The following SLC2A4RG variants were observed in gnomAD, a reference collection of about 807,000 sequenced individuals.
SLC2A4RG encodes the protein GLUT4 enhancer factor.
Under a neutral mutation model 35.5 loss-of-function variants are expected in SLC2A4RG, and 23 were observed. That is an observed-to-expected ratio of 0.65 (90% CI 0.47 to 0.92). The LOEUF is 0.92. Ranked by LOEUF, SLC2A4RG falls within the 40% of genes least tolerant of loss-of-function variation. SLC2A4RG has a pLI of 0.00. For synonymous variants in SLC2A4RG, 306 were observed against 243.7 expected, an observed-to-expected ratio of 1.26 and a Z score of -2.38; for missense variants, 539 against 525.0, an observed-to-expected ratio of 1.03 and a Z score of -0.26.
chr20:63,742,285 C>T (rs1347413439), intron 5 of SLC2A4RG, 51 bp from the exon 6 acceptor site: 1 of 1,598,300 alleles, frequency 6.3e-7, no homozygotes, highest in African/African-American at 1.3e-5. Flanking sequence ...GGTTGTGAGG[C>T]CCGGCCAGGC....
Position 63,739,818 on chromosome 20 carries a change from C to CG in SLC2A4RG, c.-90dup. ...GCGCGGGCGGCGGCCGGATCCAGGG[C>CG]GGGGGTCGGCGGCCCGGCCAGCCCG... On this transcript the variant is annotated 5_prime_UTR_variant, in exon 1 of 8. Coordinates refer to ENST00000266077, the MANE Select transcript of SLC2A4RG (RefSeq NM_020062.4). 6 of 949,524 alleles carry CG rather than the reference C, an allele frequency of 6.3e-6. No individual in the cohort carries two copies. Among genetic ancestry groups the CG allele is most frequent in the Non-Finnish European group, 7.5e-6 (6 of 804,346 alleles). The allele number at this position is 949,524 out of a possible 1,614,324, so 58.8% of individuals were successfully genotyped here. A position where few individuals can be genotyped will look rare whatever the true frequency, so the allele number is the denominator to read the frequency against.
In SLC2A4RG at chr20:63,742,507, C is replaced by A. The variant is rs1446864372; in HGVS notation, c.852C>A (p.Pro284=). The A allele has an allele frequency of 6.4e-7, 1 of 1,566,740 alleles. No individual in the cohort carries two copies. The highest frequency in any genetic ancestry group is 1.9e-5 in the Admixed American group (1 of 53,332). ...TGGAGCTGCCAGAGCTGCTGGAGCC[C>A]CCAGCCCTGCCTAGTCCCCTGCGGC... ...PRLELPELLE[P]PALPSPLRPP... Residue 284 remains proline, a synonymous_variant, in exon 6 of 8, where the codon CCC becomes CCA. Transcript: ENST00000266077.
rs1568814182 is a variant in SLC2A4RG at position 63,742,746 on chromosome 20, A to G, written c.1008A>G (p.Gly336=). The G allele has an allele frequency of 1.3e-6, 2 of 1,595,622 alleles. No homozygotes were observed. Among genetic ancestry groups the G allele is most frequent in the Non-Finnish European group, 1.7e-6 (2 of 1,172,522 alleles). The change falls in exon 7 of 8, where the codon GGA becomes GGG. Residue 336 remains glycine (G), a synonymous_variant. Transcript: ENST00000266077. ...TGGAGCCGCAGCCCACGGAGGTCGG[A>G]GCCTGCCCACCCGCCTTGTCCTCCA... ...ARLEPQPTEV[G]ACPPALSSRI... is the part of the protein sequence containing the mutation.
Position 63,739,966 on chromosome 20 carries a change from C to T in SLC2A4RG, c.54C>T (p.Ala18=). 4.1e-6 allele frequency: 4 copies of T among 979,980 alleles called. No individual in the cohort carries two copies. The highest frequency in any genetic ancestry group is 4.8e-6 in the Non-Finnish European group (4 of 827,944). 60.7% of individuals were successfully genotyped at this position (979,980 alleles called of 1,614,324 possible). ...AAGRDPSALR[A]EAPWLRAEGP... ...GCCGGGACCCCAGTGCGCTGCGGGC[C>T]GAGGCGCCGTGGCTGCGCGCGGAGG... The change falls in exon 1 of 8, where the codon GCC becomes GCT. Residue 18 remains alanine, a synonymous_variant. Coordinates refer to ENST00000266077, the MANE Select transcript of SLC2A4RG (RefSeq NM_020062.4).
At chr20:63,741,301 G>A (rs1427274656) in intron 2 of SLC2A4RG, 69 bp from the exon 3 acceptor site, 5 of 1,455,832 alleles carry the variant, frequency 3.4e-6, no homozygotes, top group Middle Eastern at 2.3e-4. Flanking sequence ...AGGCCTGCAC[G>A]TGGACCGACC....
rs900047870 is a variant in SLC2A4RG, at chr20:63,744,020, T to C, written c.*1030T>C. On this transcript the variant is annotated 3_prime_UTR_variant, in exon 8 of 8. Transcript: ENST00000266077. ...TGTTTTTGTTGACAGGTTGAAAGCA[T>C]GTTGAAAAAAATAAATATTTAAGAA... 6.6e-6 allele frequency: 1 copy of C among 150,758 alleles called. No individual in the cohort carries two copies. The highest frequency in any genetic ancestry group is 2.5e-5 in the African/African-American group (1 of 39,722). The allele number at this position is 150,758 out of a possible 1,614,324, so 9.3% of individuals were successfully genotyped here.
At chr20:63,742,825 G>A (rs1262598658) in intron 7 of SLC2A4RG, 35 bp downstream of exon 7, 1 of 1,581,160 alleles carries the variant, frequency 6.3e-7, no homozygotes, top group Non-Finnish European at 8.6e-7. Context: ...GCTGGCACCA[G>A]GTGGGGAGGG....
Position 63,740,151 on chromosome 20 carries a change from G to A in SLC2A4RG, c.126+113G>A, listed in dbSNP as rs987998248. ...GGGCGGGGCAGCGGGGAGGGCGGCCGCGTCGGTCCGCGCGTGTCCGTGGGT... is the reference window on the plus strand; with the variant it reads ...GGGCGGGGCAGCGGGGAGGGCGGCCACGTCGGTCCGCGCGTGTCCGTGGGT... On this transcript the variant is annotated intron_variant, in intron 1 of 7. Transcript: ENST00000266077. 1.2e-4 allele frequency: 60 copies of A among 483,424 alleles called. No homozygotes were observed. In the African/African-American group the frequency reaches 1.3e-3, roughly 10 times the overall value. 29.9% of individuals were successfully genotyped at this position (483,424 alleles called of 1,614,324 possible).
At position 63,743,149 on chromosome 20, in the gene SLC2A4RG, TC is replaced by T. The variant is rs963730492; in HGVS notation, c.*166del. The T allele has an allele frequency of 4.8e-5, 25 of 525,486 alleles. No homozygotes were observed. Among genetic ancestry groups the T allele is most frequent in the Non-Finnish European group, 6.7e-5 (20 of 298,960 alleles). The allele number at this position is 525,486 out of a possible 1,614,324, so 32.6% of individuals were successfully genotyped here. On this transcript the variant is annotated 3_prime_UTR_variant, in exon 8 of 8. Transcript: ENST00000266077. ...GGGGGGCGGGGCTGACCCTGAACCC[TC>T]CCCCCCGCCAGGTCGGGGAGGGGTC...
At position 63,740,542 on chromosome 20, in the gene SLC2A4RG, GGCCC is replaced by G; in HGVS notation, c.281+13_281+16del. On this transcript the variant is annotated intron_variant, in intron 2 of 7. Transcript: ENST00000266077. ...CGTCCCAGCGCAGAGGTGAGCGGGA[GGCCC>G]GGTGCCTCGGGACTCGGTGTGCGCA... The G allele has an allele frequency of 1.6e-6, 2 of 1,229,022 alleles. No individual in the cohort carries two copies. The highest frequency in any genetic ancestry group is 8.2e-5 in the South Asian group (2 of 24,258). 76.1% of individuals were successfully genotyped at this position (1,229,022 alleles called of 1,614,324 possible). A position where few individuals can be genotyped will look rare whatever the true frequency, so the allele number is the denominator to read the frequency against.
At position 63,739,809 on chromosome 20, in the gene SLC2A4RG, G is replaced by T; in HGVS notation, c.-104G>T. On this transcript the variant is annotated 5_prime_UTR_variant, in exon 1 of 8. Transcript: ENST00000266077. ...GGCGGCGCGGCGCGGGCGGCGGCCG[G>T]ATCCAGGGCGGGGGTCGGCGGCCCG... 1.0e-6 allele frequency: 1 copy of T among 970,764 alleles called. No individual in the cohort carries two copies. Among genetic ancestry groups the T allele is most frequent in the Non-Finnish European group, 1.2e-6 (1 of 821,230 alleles). The allele number at this position is 970,764 out of a possible 1,614,324, so 60.1% of individuals were successfully genotyped here.
Position 63,741,882 on chromosome 20 carries a change from G to T in SLC2A4RG, c.405G>T (p.Glu135Asp). ...GTGTCCCCACAGAGCCTGGCCTGGA[G>T]CCCTGGAAGGAGGCCCTGGTGCGGC... The part of the protein sequence containing the change: ...VAAFSPEPGL[E>D]PWKEALVRPP... Residue 135 changes from glutamate to aspartate, a missense_variant, in exon 4 of 8, where the codon GAG becomes GAT. Glu to Asp is a conservative substitution (Grantham distance 45). Coordinates refer to ENST00000266077, the MANE Select transcript of SLC2A4RG (RefSeq NM_020062.4). 1 of 1,601,378 alleles carries T rather than the reference G, an allele frequency of 6.2e-7. No individual in the cohort carries two copies. The highest frequency in any genetic ancestry group is 1.1e-5 in the South Asian group (1 of 89,516).
At chr20:63,740,343 G>C in intron 1 of SLC2A4RG, 34 bp from the exon 2 acceptor site, 1 of 1,211,914 alleles carries the variant, frequency 8.3e-7, no homozygotes. Context: ...CCCGGCCACC[G>C]CCTCCGCTGA....
rs2092054551 is a variant in SLC2A4RG, at chr20:63,743,227, C to T, written c.*237C>T. On this transcript the variant is annotated 3_prime_UTR_variant, in exon 8 of 8. Transcript: ENST00000266077. ...ACCAGCTTTTTGCACTAAAGCCAAA[C>T]CACACCGCTGTCCCCTTAGCCCCAA... is the stretch of plus-strand genomic sequence containing the variant. The T allele has an allele frequency of 8.6e-6, 4 of 462,544 alleles. No homozygotes were observed. The highest frequency in any genetic ancestry group is 1.6e-5 in the Non-Finnish European group (4 of 256,178). 28.7% of individuals were successfully genotyped at this position (462,544 alleles called of 1,614,324 possible).
At chr20:63,740,234 C>A (rs2092034833) in intron 1 of SLC2A4RG, 143 bp from the exon 2 acceptor site, 1 of 477,710 alleles carries the variant, frequency 2.1e-6, no homozygotes, top group Non-Finnish European at 2.9e-6. Context: ...GGGCTGGGGG[C>A]GGGGCCGGGG....
chr20:63,740,221 G>T (rs1447249223), intron 1 of SLC2A4RG, 156 bp from the exon 2 acceptor site: 2 of 443,698 alleles, frequency 4.5e-6, no homozygotes, highest in Admixed American at 1.2e-4. Context: ...TTCCCGCCGC[G>T]CCGGGCTGGG....
In SLC2A4RG at chr20:63,743,911, T is replaced by TAAG. The variant is rs1555833904; in HGVS notation, c.*922_*924dup. 5.2e-5 allele frequency: 8 copies of TAAG among 152,424 alleles called. No individual in the cohort carries two copies. Among genetic ancestry groups the TAAG allele is most frequent in the African/African-American group, 1.7e-4 (7 of 41,380 alleles). 9.4% of individuals were successfully genotyped at this position (152,424 alleles called of 1,614,324 possible). A position where few individuals can be genotyped will look rare whatever the true frequency, so the allele number is the denominator to read the frequency against. ...CTCCAATACAAACACAGGTTTATAA[T>TAAG]AAGTAATAGGAAGTCAATATAATAT... On this transcript the variant is annotated 3_prime_UTR_variant, in exon 8 of 8. Transcript: ENST00000266077.
Position 63,742,000 on chromosome 20 carries a change from C to G in SLC2A4RG, c.523C>G (p.Leu175Val). The G allele has an allele frequency of 6.2e-7, 1 of 1,613,072 alleles. No individual in the cohort carries two copies. ...QSSPSTPSPPLPPEAAHFLFG... is the reference protein window; with the variant it reads ...QSSPSTPSPPVPPEAAHFLFG... ...CTCTCCGTCCACCCCGTCACCCCCA[C>G]TGCCCCCCGAGGCAGCCCACTTTCT... The change falls in exon 4 of 8, where the codon CTG becomes GTG. Residue 175 changes from leucine (L) to valine (V), a missense_variant. By Grantham distance (32) the Leu-to-Val change is conservative. Transcript: ENST00000266077.
rs368061569 is a variant in SLC2A4RG at position 63,742,252 on chromosome 20, G to A, written c.680+22G>A. On this transcript the variant is annotated intron_variant, in intron 5 of 7. Transcript: ENST00000266077. Reference sequence around the variant, plus strand: ...TGGGGTGCGGCGGGGCCTGGGGTGCGGCGGGGCCTGCGGGTTGGCTGGGGT... The same window carrying A: ...TGGGGTGCGGCGGGGCCTGGGGTGCAGCGGGGCCTGCGGGTTGGCTGGGGT... 17 of 1,585,128 alleles carry A rather than the reference G, an allele frequency of 1.1e-5. No individual in the cohort carries two copies. The African/African-American group carries it at 1.2e-4, about 11-fold the overall frequency.
Sources: gnomAD v4.1 joint callset for allele counts on GRCh38, gnomAD v4.1.1 for gene constraint, MANE v1.5 for transcripts, NCBI Gene and HGNC (gene_info 2026-07-23, HGNC 2026-07-21) for gene names.